Variants in CMIP observed in about 807,000 individuals in gnomAD.
The protein encoded by CMIP is c-Maf inducing protein.
Under a neutral mutation model 97.3 loss-of-function variants are expected in CMIP, and 13 were observed. The observed-to-expected ratio is 0.13, with a 90% CI of 0.09 to 0.21. The LOEUF (loss-of-function observed/expected upper bound fraction) is 0.21. Among genes scored for constraint, CMIP ranks in the 10% least tolerant of loss-of-function variants. The pLI, the probability that CMIP is intolerant of heterozygous loss-of-function variation, is 1.00. For synonymous variants in CMIP, 538 were observed against 436.3 expected, an observed-to-expected ratio of 1.23 and a Z score of -2.91; for missense variants, 847 against 1,024.9, an observed-to-expected ratio of 0.83 and a Z score of 2.37.
chr16:81,665,390 A>G (rs79785341), intron 7 of CMIP: 101 of 152,330 alleles, frequency 6.6e-4, no homozygotes, highest in African/African-American at 2.3e-3. Context: ...CTTGGAGTCA[A>G]GAGTGTGGTG....
intron 1 of CMIP, among the ~76,000 whole-genome samples, chr16:81,565,905 T>A (rs1476593446): frequency 6.6e-6 from 1 of 152,168 alleles, no homozygotes; most frequent in Admixed American, 6.5e-5. Flanking sequence ...GGCACAGATG[T>A]CACGGGGGGA....
At position 81,618,284 on chromosome 16, in the gene CMIP, G is replaced by A. The variant is rs147818751; in HGVS notation, c.427-2592G>A. ...CGTTTCCAGCTTCTAAAGGCTGTCC[G>A]CATTCCTTGGCTCATGGCCACATCA... On this transcript the variant is annotated intron_variant, in intron 2 of 20. Transcript: ENST00000537098. Among the ~76,000 whole-genome samples, 228 of 152,244 alleles carry A rather than the reference G, an allele frequency of 1.5e-3. 1 individual carries two copies. The highest frequency in any genetic ancestry group is 5.2e-3 in the African/African-American group (216 of 41,532).
chr16:81,607,981 C>T (rs1226340932), intron 2 of CMIP, among the ~76,000 whole-genome samples: 1 of 152,186 alleles, frequency 6.6e-6, no homozygotes, highest in Non-Finnish European at 1.5e-5. Flanking sequence ...TTATGATCCC[C>T]ATTTTACAGA....
At chr16:81,672,124 C>G (rs2092688935) in intron 9 of CMIP, 54 bp downstream of exon 9, 9 of 1,087,754 alleles carry the variant, frequency 8.3e-6, no homozygotes, top group African/African-American at 1.6e-5. Flanking sequence ...AAACTGCCAC[C>G]CCCATCATGG....
At chr16:81,694,834 A>G (rs1262907867) in intron 13 of CMIP, among the ~76,000 whole-genome samples, 1 of 152,150 alleles carries the variant, frequency 6.6e-6, no homozygotes, top group Non-Finnish European at 1.5e-5. Context: ...GCAATTCTAA[A>G]CACCGATTTC....
intron 1 of CMIP, among the ~76,000 whole-genome samples, chr16:81,503,358 C>G (rs574422610): frequency 6.6e-6 from 1 of 152,254 alleles, no homozygotes; most frequent in Admixed American, 6.5e-5. Context: ...CAGTGGATCA[C>G]TGGGTCGCCT....
rs2092664688 is a variant in CMIP at position 81,669,846 on chromosome 16, CTT to C, written c.826-293_826-292del. ...TTGTCCCCCCAGCCTTTCTGGCTCTCTTTTCTCTTTCTCGTCTCATTTGTCTC... is the reference window on the plus strand; with the variant it reads ...TTGTCCCCCCAGCCTTTCTGGCTCTCTTCTCTTTCTCGTCTCATTTGTCTC... On this transcript the variant is annotated intron_variant, in intron 7 of 20. Transcript: ENST00000537098. Among the ~76,000 whole-genome samples the C allele has an allele frequency of 4.6e-5, 7 of 152,360 alleles. No individual in the cohort carries two copies. The South Asian group carries it at 1.4e-3, about 32-fold the overall frequency.
intron 9 of CMIP, among the ~76,000 whole-genome samples, chr16:81,674,004 TG>T (rs1401281620): frequency 6.6e-6 from 1 of 152,232 alleles, no homozygotes; most frequent in Admixed American, 6.5e-5. Flanking sequence ...AATGCCGTAC[TG>T]CTGAGTTCTT....
intron 1 of CMIP, among the ~76,000 whole-genome samples, chr16:81,508,773 G>C (rs1026137578): frequency 1.3e-5 from 2 of 152,252 alleles, no homozygotes; most frequent in Non-Finnish European, 2.9e-5. Flanking sequence ...ATGGTGTGCA[G>C]AATGATCTGA....
chr16:81,473,131 C>T (rs1907661056), intron 1 of CMIP, among the ~76,000 whole-genome samples: 2 of 152,258 alleles, frequency 1.3e-5, no homozygotes, highest in South Asian at 4.1e-4. Flanking sequence ...GCCCGGCCTC[C>T]TCTGAGGTCA....
intron 6 of CMIP, among the ~76,000 whole-genome samples, chr16:81,662,426 C>G (rs1321148606): frequency 6.6e-6 from 1 of 152,130 alleles, no homozygotes; most frequent in Non-Finnish European, 1.5e-5. Flanking sequence ...TTTTGGCATT[C>G]TTTGCTGTAA....
chr16:81,471,541 A>T (rs1293885416), intron 1 of CMIP, among the ~76,000 whole-genome samples: 1 of 137,036 alleles, frequency 7.3e-6, no homozygotes, highest in Non-Finnish European at 1.6e-5. Context: ...ACCAGTGTAC[A>T]CATACACACA....
At chr16:81,630,516 G>A (rs1324282668) in intron 3 of CMIP, 2 of 152,252 alleles carry the variant, frequency 1.3e-5, no homozygotes, top group African/African-American at 4.8e-5. Flanking sequence ...TGCTCCTGGA[G>A]GCCGGGTCAG....
At chr16:81,525,640 C>T (rs998849265) in intron 1 of CMIP, among the ~76,000 whole-genome samples, 5 of 152,278 alleles carry the variant, frequency 3.3e-5, no homozygotes, top group African/African-American at 1.2e-4. Context: ...ACTGGCCTAG[C>T]CAATCATTTT....
At chr16:81,596,461 C>G (rs1050725647) in intron 1 of CMIP, among the ~76,000 whole-genome samples, 7 of 145,328 alleles carry the variant, frequency 4.8e-5, no homozygotes, top group African/African-American at 1.6e-4. Context: ...GAGCCAGGAT[C>G]GTGCCATTGC....
At chr16:81,635,798 A>G (rs1007028903) in intron 3 of CMIP, among the ~76,000 whole-genome samples, 5 of 152,146 alleles carry the variant, frequency 3.3e-5, no homozygotes, top group African/African-American at 4.8e-5. Context: ...AGGGGGGGAC[A>G]GCTCTGCCCA....
chr16:81,493,481 A>C lies in CMIP; in HGVS notation c.300+47940A>C, dbSNP rs1231953437. Among the ~76,000 whole-genome samples, 3 of 152,196 alleles carry C rather than the reference A, an allele frequency of 2.0e-5. No homozygotes were observed. The East Asian group carries it at 5.8e-4, about 29-fold the overall frequency. On this transcript the variant is annotated intron_variant, in intron 1 of 20. Coordinates refer to ENST00000537098, the MANE Select transcript of CMIP (RefSeq NM_198390.3). ...GAAGTACGAAATATAAAGCACTTGG[A>C]GTGGGGCACATAGTGTGTACCGTGT...
chr16:81,651,586 C>A (rs2092429410), intron 3 of CMIP, among the ~76,000 whole-genome samples: 2 of 152,228 alleles, frequency 1.3e-5, no homozygotes, highest in Admixed American at 6.5e-5. Context: ...CTTCAAGCGA[C>A]CTCTTGGGAT....
intron 10 of CMIP, among the ~76,000 whole-genome samples, chr16:81,689,375 T>C (rs1475440264): frequency 6.6e-6 from 1 of 152,216 alleles, no homozygotes; most frequent in Non-Finnish European, 1.5e-5. Context: ...TGGTATCTCA[T>C]TGTGGTTTTC....
Sources: gnomAD v4.1 joint callset for allele counts (sites outside exome capture counted in the v4.1 genomes callset) on GRCh38, gnomAD v4.1.1 for gene constraint, MANE v1.5 for transcripts, NCBI Gene and HGNC (gene_info 2026-07-23, HGNC 2026-07-21) for gene names.